The following CIT variants were observed in gnomAD, a reference collection of about 807,000 sequenced individuals.
CIT encodes the protein citron Rho-interacting kinase.
Under a neutral mutation model 272.7 loss-of-function variants are expected in CIT, and 79 were observed. That is an observed-to-expected ratio of 0.29 (90% CI 0.24 to 0.35). CIT has a LOEUF of 0.35. Among genes scored for constraint, CIT ranks in the 10% least tolerant of loss-of-function variants. The pLI, the probability that CIT is intolerant of heterozygous loss-of-function variation, is 1.00. For missense variants in CIT, 1,909 were observed against 2,618.3 expected (o/e 0.73, Z 5.91); for synonymous variants, 948 against 995.6 (o/e 0.95, Z 0.90).
At chr12:119,788,211 T>G (rs1448060806) in intron 10 of CIT, among the ~76,000 whole-genome samples, 2 of 152,194 alleles carry the variant, frequency 1.3e-5, no homozygotes, top group African/African-American at 4.8e-5. Flanking sequence ...CTCACCAGCC[T>G]GTTTTCTACC....
Position 119,784,897 on chromosome 12 carries a change from C to T in CIT, c.1401+63G>A. ...GCCAGCAGCGGCCCCGGGCGGATCCCTTGGCATATACGGACGGGAGGATCC... is the reference window on the plus strand; with the variant it reads ...GCCAGCAGCGGCCCCGGGCGGATCCTTTGGCATATACGGACGGGAGGATCC... On this transcript the variant is annotated intron_variant, in intron 11 of 47. Transcript: ENST00000392521. This position sits in a 1 kb window ranked among gnomAD's most constrained non-coding sequence, Gnocchi z 4.7. The T allele has an allele frequency of 6.3e-7, 1 of 1,594,320 alleles. No homozygotes were observed. The highest frequency in any genetic ancestry group is 1.1e-5 in the South Asian group (1 of 88,096).
intron 4 of CIT, among the ~76,000 whole-genome samples, chr12:119,851,766 G>A (rs1173058908): frequency 1.3e-5 from 2 of 152,260 alleles, no homozygotes; most frequent in African/African-American, 4.8e-5. Context: ...GCTGGGTGCA[G>A]TGGCTCATGC....
chr12:119,727,270 C>A (rs1160818527), intron 28 of CIT, among the ~76,000 whole-genome samples: 2 of 152,072 alleles, frequency 1.3e-5, no homozygotes, highest in Non-Finnish European at 2.9e-5. Context: ...ATTACATGAC[C>A]CCCATACTCT....
chr12:119,706,741 T>G (rs1369905956), intron 40 of CIT, among the ~76,000 whole-genome samples: 3 of 152,362 alleles, frequency 2.0e-5, no homozygotes, highest in Middle Eastern at 3.4e-3. Flanking sequence ...TAGGCTGCAA[T>G]GAACATACAC....
chr12:119,816,306 T>C (rs1437613080), intron 9 of CIT, among the ~76,000 whole-genome samples: 1 of 152,200 alleles, frequency 6.6e-6, no homozygotes, highest in Non-Finnish European at 1.5e-5. Flanking sequence ...CATTTTGAAG[T>C]ATATGAACGA....
At position 119,804,885 on chromosome 12, in the gene CIT, A is replaced by C. The variant is rs538187760; in HGVS notation, c.1112-1496T>G. Among the ~76,000 whole-genome samples the C allele has an allele frequency of 9.2e-5, 14 of 152,316 alleles. No homozygotes were observed. Among genetic ancestry groups the C allele is most frequent in the African/African-American group, 2.9e-4 (12 of 41,578 alleles). On this transcript the variant is annotated intron_variant, in intron 9 of 47. Transcript: ENST00000392521. The surrounding 1 kb of genome is among the most constrained non-coding windows in gnomAD (Gnocchi z 5.3). ...AATGTGCACTACCAGAAAATTATTT[A>C]ACACCTCCAGTCTCTCAAGAGAATT... is the stretch of plus-strand genomic sequence containing the variant.
At chr12:119,821,833 C>T (rs1967749628) in intron 9 of CIT, among the ~76,000 whole-genome samples, 1 of 151,816 alleles carries the variant, frequency 6.6e-6, no homozygotes, top group Non-Finnish European at 1.5e-5. Flanking sequence ...TGTGGCCACC[C>T]GAATAATAAA....
intron 27 of CIT, among the ~76,000 whole-genome samples, chr12:119,729,774 A>C (rs1285792826): frequency 6.6e-6 from 1 of 152,232 alleles, no homozygotes; most frequent in Non-Finnish European, 1.5e-5. Context: ...GAAATAACAA[A>C]GTTATAGAAA....
chr12:119,845,652 CAA>C (rs34059849), intron 5 of CIT, among the ~76,000 whole-genome samples: 26 of 58,898 alleles, frequency 4.4e-4, no homozygotes, highest in African/African-American at 7.1e-4. Flanking sequence ...GACTCTGTCT[CAA>C]AAAAAAAAAA....
In CIT at chr12:119,730,549, A is replaced by G; in HGVS notation, c.3432T>C (p.Ala1144=). 6.2e-7 allele frequency: 1 copy of G among 1,614,138 alleles called. No individual in the cohort carries two copies. The highest frequency in any genetic ancestry group is 8.5e-7 in the Non-Finnish European group (1 of 1,179,998). Residue 1144 remains alanine, a synonymous_variant, in exon 27 of 48, where the codon GCT becomes GCC. Coordinates refer to ENST00000392521, the MANE Select transcript of CIT (RefSeq NM_001206999.2). ...AVKEHKAEIL[A]LQQALKEQKL... Reference sequence around the variant, plus strand: ...TCTGCTCTTTGAGAGCCTGCTGCAGAGCGAGAATCTCAGCCTTGTGCTCCT... The same window carrying G: ...TCTGCTCTTTGAGAGCCTGCTGCAGGGCGAGAATCTCAGCCTTGTGCTCCT...
rs764248813 is a variant in CIT, at chr12:119,714,324, C to T, written c.4179G>A (p.Arg1393=). Residue 1393 remains arginine, a synonymous_variant, in exon 33 of 48, where the codon CGG becomes CGA. Transcript: ENST00000392521. ...TGTGGTGCATGCGTTCCTTAAGACG[C>T]CGACTAAATTCTGGAGGAAAATGTT... ...KESSTPEEFS[R]RLKERMHHNI... is the part of the protein sequence containing the mutation. 1 of 1,613,812 alleles carries T rather than the reference C, an allele frequency of 6.2e-7. No homozygotes were observed. Among genetic ancestry groups the T allele is most frequent in the South Asian group, 1.1e-5 (1 of 91,008 alleles).
At chr12:119,726,798 T>TG (rs1239850826) in intron 28 of CIT, among the ~76,000 whole-genome samples, 1 of 152,168 alleles carries the variant, frequency 6.6e-6, no homozygotes, top group Non-Finnish European at 1.5e-5. Context: ...CACAGGGCTC[T>TG]GGTTGGGGAG....
chr12:119,692,518 G>A (rs1956007976), intron 46 of CIT, among the ~76,000 whole-genome samples: 1 of 152,208 alleles, frequency 6.6e-6, no homozygotes, highest in Non-Finnish European at 1.5e-5. Context: ...ACAGGCTTGA[G>A]GGCCAAATCC....
chr12:119,701,756 T>C lies in CIT; in HGVS notation c.5414-4A>G, dbSNP rs750880441. 13 of 1,614,098 alleles carry C rather than the reference T, an allele frequency of 8.1e-6. No individual in the cohort carries two copies. The Admixed American group carries it at 2.0e-4, about 25-fold the overall frequency. ...TGGTCATTCTTATCCAGGAATTCTG[T>C]AAAGGCAGGCGAGAAGCGGGGCTTC... is the stretch of plus-strand genomic sequence containing the variant. On this transcript the variant is annotated splice_region_variant and splice_polypyrimidine_tract_variant and intron_variant, in intron 42 of 47. Transcript: ENST00000392521.
intron 10 of CIT, among the ~76,000 whole-genome samples, chr12:119,798,549 T>C (rs1200174475): frequency 6.6e-6 from 1 of 152,176 alleles, no homozygotes; most frequent in Non-Finnish European, 1.5e-5. Flanking sequence ...CCTGTAAGGA[T>C]GGGCTGTTGT....
chr12:119,722,929 C>T (rs1030603879), intron 28 of CIT, among the ~76,000 whole-genome samples: 1 of 152,118 alleles, frequency 6.6e-6, no homozygotes. Flanking sequence ...GTGGCTCACA[C>T]CTGAAATCCC....
At chr12:119,847,282 C>G (rs146219529) in intron 5 of CIT, among the ~76,000 whole-genome samples, 1,699 of 152,322 alleles carry the variant, frequency 0.011, 18 homozygotes, top group Non-Finnish European at 0.018. Context: ...CCACACCTGG[C>G]CCGAACTTCT....
At chr12:119,773,553 C>T (rs1343652363) in intron 16 of CIT, among the ~76,000 whole-genome samples, 1 of 152,152 alleles carries the variant, frequency 6.6e-6, no homozygotes, top group Non-Finnish European at 1.5e-5. Context: ...CCTGCCTCAG[C>T]CTCCCGAGTA....
rs1044112011 is a variant in CIT, at chr12:119,690,202, C to T, written c.6135G>A (p.Arg2045=). Residue 2045 remains arginine (R), a synonymous_variant, in exon 47 of 48, where the codon AGG becomes AGA. Transcript: ENST00000392521. The surrounding 1 kb of genome is among the most constrained non-coding windows in gnomAD (Gnocchi z 6.0). The part of the protein sequence containing the change: ...SPGRLFEDSS[R]GRLPAGAVRT... Reference sequence around the variant, plus strand: ...TCACGGCTCCCGCAGGCAGCCGGCCCCTGCTGCTGTCTTCAAACAGCCTCC... The same window carrying T: ...TCACGGCTCCCGCAGGCAGCCGGCCTCTGCTGCTGTCTTCAAACAGCCTCC... 2 of 1,499,218 alleles carry T rather than the reference C, an allele frequency of 1.3e-6. No individual in the cohort carries two copies. The highest frequency in any genetic ancestry group is 2.9e-5 in the African/African-American group (2 of 69,462). 92.9% of individuals were successfully genotyped at this position (1,499,218 alleles called of 1,614,324 possible).
Sources: gnomAD v4.1 joint callset for allele counts (sites outside exome capture counted in the v4.1 genomes callset) on GRCh38, gnomAD v4.1.1 for gene constraint, Gnocchi (gnomAD v3.1) non-coding constraint, MANE v1.5 for transcripts, NCBI Gene and HGNC (gene_info 2026-07-23, HGNC 2026-07-21) for gene names.